ANK2: variants seen among roughly 807,000 people sequenced by gnomAD.
ANK2 encodes the protein ankyrin 2.
ANK2 carries 83 observed loss-of-function variants against 360.5 expected under a neutral mutation model. The observed-to-expected ratio is 0.23, with a 90% CI of 0.19 to 0.28. ANK2 has a LOEUF of 0.28. ANK2 is among the 10% of genes least tolerant of loss of function. ANK2 has a pLI of 1.00. For missense variants in ANK2, 4,201 were observed against 4,795.7 expected, an observed-to-expected ratio of 0.88 and a Z score of 3.66; for synonymous variants, 1,740 against 1,759.5, an observed-to-expected ratio of 0.99 and a Z score of 0.28.
intron 11 of ANK2, among the ~76,000 whole-genome samples, chr4:113,257,108 T>G (rs144162799): frequency 6.6e-6 from 1 of 152,366 alleles, no homozygotes; most frequent in East Asian, 1.9e-4. Context: ...TAAGACCATA[T>G]GCTTTCCTGA....
At chr4:113,170,379 T>C (rs2097902648) in intron 1 of ANK2, among the ~76,000 whole-genome samples, 1 of 152,232 alleles carries the variant, frequency 6.6e-6, no homozygotes, top group Non-Finnish European at 1.5e-5. Context: ...ACAGATTCTC[T>C]GACCATTCTT....
chr4:112,803,939 T>C, the ANK2 span, among the ~76,000 whole-genome samples: 1 of 151,872 alleles, frequency 6.6e-6, no homozygotes, highest in Non-Finnish European at 1.5e-5. Flanking sequence ...AATAGTGTAA[T>C]AGAGAGAATA....
chr4:113,381,561 A>T lies in ANK2; in HGVS notation c.*90A>T. The stretch of plus-strand genomic sequence containing the variant: ...CTGGAGGATGTACCAGAAGCACTAG[A>T]CCAGGACGACCTCCAGCGCGATCTC... On this transcript the variant is annotated 3_prime_UTR_variant, in exon 46 of 46. Coordinates refer to ENST00000357077, the MANE Select transcript of ANK2 (RefSeq NM_001148.6). The T allele has an allele frequency of 6.2e-7, 1 of 1,611,026 alleles. No homozygotes were observed. The highest frequency in any genetic ancestry group is 8.5e-7 in the Non-Finnish European group (1 of 1,178,404).
chr4:112,861,629 T>C (rs1426280363), intron 1 of ANK2, among the ~76,000 whole-genome samples: 1 of 152,136 alleles, frequency 6.6e-6, no homozygotes, highest in East Asian at 1.9e-4. Context: ...TAAAATAGGG[T>C]ATCTACAGGA....
intron 2 of ANK2, among the ~76,000 whole-genome samples, chr4:113,036,332 T>C (rs1470622019): frequency 1.3e-5 from 2 of 151,352 alleles, no homozygotes; most frequent in Non-Finnish European, 2.9e-5. Context: ...GAAAATTATC[T>C]AGGAGAAAAA....
chr4:113,034,705 C>T (rs2061203341), intron 2 of ANK2: 2 of 151,958 alleles, frequency 1.3e-5, no homozygotes, highest in Admixed American at 1.3e-4. Context: ...CACTTAATGA[C>T]ATCCTTCTCT....
At chr4:113,154,140 G>A (rs2097192532) in intron 1 of ANK2, among the ~76,000 whole-genome samples, 1 of 152,188 alleles carries the variant, frequency 6.6e-6, no homozygotes, top group African/African-American at 2.4e-5. Context: ...CAGCAAATGG[G>A]CCCTTCTGCA....
chr4:113,356,500 G>A lies in ANK2; in HGVS notation c.7882G>A (p.Ala2628Thr), dbSNP rs369975032. Residue 2628 changes from alanine (A) to threonine (T), a missense_variant, in exon 38 of 46, where the codon GCT (alanine) becomes ACT (threonine). Physicochemically the swap from Ala to Thr is moderately conservative, Grantham distance 58 (BLOSUM62 0). Transcript: ENST00000357077. ...ATCTTCTTCATCTTCTGACCCAGAT[G>A]CTGACTGTTCAGTAGATGTGGATGA... The part of the protein sequence containing the change: ...EESSSSSDPD[A>T]DCSVDVDEPK... 2 of 1,614,056 alleles carry A rather than the reference G, an allele frequency of 1.2e-6. No individual in the cohort carries two copies. Among genetic ancestry groups the A allele is most frequent in the African/African-American group, 1.3e-5 (1 of 74,942 alleles).
intron 1 of ANK2, among the ~76,000 whole-genome samples, chr4:113,156,129 G>T (rs2154399263): frequency 6.6e-6 from 1 of 152,268 alleles, no homozygotes; most frequent in East Asian, 1.9e-4. Flanking sequence ...TTATGGCAGT[G>T]TTGCTTAAAA....
rs5861129 is a variant in ANK2 at position 113,347,806 on chromosome 4, T to TA, written c.4372-455dup. On this transcript the variant is annotated intron_variant, in intron 35 of 45. Transcript: ENST00000357077. ...CAACATAGCAAGACCTTGTCTCTATTAAAAAAAAAAAAAAAGAAAGAATTT... is the reference window on the plus strand; with the variant it reads ...CAACATAGCAAGACCTTGTCTCTATTAAAAAAAAAAAAAAAAGAAAGAATTT... The TA allele has an allele frequency of 7.6e-3, 1,212 of 159,672 alleles. 1 individual carries two copies. The highest frequency in any genetic ancestry group is 0.024 in the South Asian group (164 of 6,856). The allele number at this position is 159,672 out of a possible 1,614,324, so 9.9% of individuals were successfully genotyped here.
At chr4:113,317,005 A>G (rs111993036) in intron 24 of ANK2, among the ~76,000 whole-genome samples, 2 of 152,334 alleles carry the variant, frequency 1.3e-5, no homozygotes, top group African/African-American at 4.8e-5. Context: ...CACCACGGCA[A>G]CCAACACTCT....
At position 113,341,739 on chromosome 4, in the gene ANK2, A is replaced by C; in HGVS notation, c.3945A>C (p.Ser1315=). Reference sequence around the variant, plus strand: ...TCCAGGAATCCGTTACTTTTGCATCACAAGTATACAGAGAAATTATCTGCG... The same window carrying C: ...TCCAGGAATCCGTTACTTTTGCATCCCAAGTATACAGAGAAATTATCTGCG... ...RQIQESVTFA[S]QVYREIICVP... The change falls in exon 33 of 46, where the codon TCA becomes TCC. Residue 1315 remains serine, a synonymous_variant. Coordinates refer to ENST00000357077, the MANE Select transcript of ANK2 (RefSeq NM_001148.6). 2 of 1,614,174 alleles carry C rather than the reference A, an allele frequency of 1.2e-6. No individual in the cohort carries two copies. The highest frequency in any genetic ancestry group is 1.7e-6 in the Non-Finnish European group (2 of 1,180,026).
intron 1 of ANK2, among the ~76,000 whole-genome samples, chr4:112,818,520 T>G (rs149319560): frequency 4.9e-4 from 74 of 152,298 alleles, no homozygotes; most frequent in African/African-American, 1.7e-3. Flanking sequence ...TAGGGCAGAT[T>G]TTTAAGATCT....
chr4:112,951,081 C>CAA (rs1184265938), intron 2 of ANK2, among the ~76,000 whole-genome samples: 2,635 of 55,258 alleles, frequency 0.048, 184 homozygotes, highest in South Asian at 0.12. Flanking sequence ...GCCTCCGTCT[C>CAA]AAAAAAAAAA....
chr4:113,366,187 T>C (rs2096527272), intron 41 of ANK2, among the ~76,000 whole-genome samples: 1 of 152,160 alleles, frequency 6.6e-6, no homozygotes, highest in Admixed American at 6.5e-5. Context: ...CTGTCTCTAC[T>C]TCCTCTCTTC....
chr4:112,817,437 T>C (rs1431293350), upstream of ANK2, among the ~76,000 whole-genome samples: 1 of 152,328 alleles, frequency 6.6e-6, no homozygotes, highest in East Asian at 1.9e-4. Context: ...TCTGACTTCC[T>C]GTCTGCTTAT....
chr4:113,151,196 T>G, intron 1 of ANK2: 1 of 1,203,792 alleles, frequency 8.3e-7, no homozygotes, highest in East Asian at 5.7e-5. Context: ...ATTATAACCT[T>G]CTGCTCAAAA....
At chr4:113,380,552 C>T (rs1458508966) in intron 45 of ANK2, among the ~76,000 whole-genome samples, 1 of 152,212 alleles carries the variant, frequency 6.6e-6, no homozygotes, top group Admixed American at 6.5e-5. Flanking sequence ...GTCCCAGCTA[C>T]TCAGGAGGCT....
At chr4:112,967,414 C>T (rs1054389192) in intron 2 of ANK2, among the ~76,000 whole-genome samples, 1 of 152,190 alleles carries the variant, frequency 6.6e-6, no homozygotes, top group Non-Finnish European at 1.5e-5. Flanking sequence ...CAGAGCCCAG[C>T]GTAATAACCT....
Sources: gnomAD v4.1 joint callset for allele counts (sites outside exome capture counted in the v4.1 genomes callset) on GRCh38, gnomAD v4.1.1 for gene constraint, MANE v1.5 for transcripts, NCBI Gene and HGNC (gene_info 2026-07-23, HGNC 2026-07-21) for gene names.